The following AGAP1 variants were observed in gnomAD, a reference collection of about 807,000 sequenced individuals.
AGAP1 encodes the protein ArfGAP with GTPase domain, ankyrin repeat and PH domain 1, also known as arf-GAP with GTPase, ANK repeat and PH domain-containing protein 1.
A neutral mutation model predicts 105.3 loss-of-function variants in AGAP1; 29 were observed. That is an observed-to-expected ratio of 0.28 (90% confidence interval 0.21 to 0.38). The LOEUF (loss-of-function observed/expected upper bound fraction) is 0.38. Among genes scored for constraint, AGAP1 ranks in the 10% least tolerant of loss-of-function variants. The pLI, the probability that AGAP1 is intolerant of heterozygous loss-of-function variation, is 1.00. For missense variants in AGAP1, 998 were observed against 1,165.1 expected, an observed-to-expected ratio of 0.86 and a Z score of 2.09; for synonymous variants, 509 against 485.9, an observed-to-expected ratio of 1.05 and a Z score of -0.63.
intron 6 of AGAP1, among the ~76,000 whole-genome samples, chr2:235,767,753 G>A (rs1298806834): frequency 1.4e-5 from 2 of 146,576 alleles, no homozygotes. Context: ...ATTTATCTTG[G>A]TATAGAATCT....
intron 1 of AGAP1, among the ~76,000 whole-genome samples, chr2:235,525,280 T>A (rs1942785149): frequency 6.6e-6 from 1 of 151,920 alleles, no homozygotes; most frequent in Admixed American, 6.6e-5. Flanking sequence ...GACTGATACA[T>A]AATGTGGAGG....
chr2:235,657,784 T>C (rs1947821523), intron 1 of AGAP1, among the ~76,000 whole-genome samples: 1 of 152,162 alleles, frequency 6.6e-6, no homozygotes, highest in Admixed American at 6.5e-5. Context: ...TGCCTCATAA[T>C]GCGATTCTAT....
At chr2:235,518,632 G>A (rs1942492856) in intron 1 of AGAP1, among the ~76,000 whole-genome samples, 1 of 152,246 alleles carries the variant, frequency 6.6e-6, no homozygotes, top group South Asian at 2.1e-4. Flanking sequence ...TTCTGCCATA[G>A]GACAAAGAGA....
intron 1 of AGAP1, among the ~76,000 whole-genome samples, chr2:235,500,801 T>C (rs1941529835): frequency 6.6e-6 from 1 of 152,168 alleles, no homozygotes; most frequent in South Asian, 2.1e-4. Context: ...TTCAAGAGAC[T>C]GGAGAGGAGA....
intron 6 of AGAP1, among the ~76,000 whole-genome samples, chr2:235,791,358 A>G (rs1956963461): frequency 6.6e-6 from 1 of 152,086 alleles, no homozygotes; most frequent in East Asian, 1.9e-4. Context: ...TTCATTATTT[A>G]TGGGAGGGTC....
chr2:235,922,296 A>G (rs1370989716), intron 11 of AGAP1, among the ~76,000 whole-genome samples: 1 of 152,204 alleles, frequency 6.6e-6, no homozygotes, highest in Non-Finnish European at 1.5e-5. Flanking sequence ...AATAGAAGGT[A>G]TACAATTCTG....
chr2:235,603,355 T>A (rs1040922202), intron 1 of AGAP1, among the ~76,000 whole-genome samples: 2 of 152,214 alleles, frequency 1.3e-5, no homozygotes, highest in Non-Finnish European at 2.9e-5. Context: ...GGTATGCCTT[T>A]ATCAGCAGCA....
chr2:235,739,345 T>C lies in AGAP1; in HGVS notation c.311-1618T>C, dbSNP rs974095909. ...ACAACAGCTCTGCTAGAAAAGCATT[T>C]CTTTTTTGCCTACGAGGACTCTCGA... On this transcript the variant is annotated intron_variant, in intron 3 of 17. Coordinates refer to ENST00000304032, the MANE Select transcript of AGAP1 (RefSeq NM_001037131.3). The surrounding 1 kb of genome is among the most constrained non-coding windows in gnomAD (Gnocchi z 5.3). Among the ~76,000 whole-genome samples the C allele has an allele frequency of 2.6e-5, 4 of 152,220 alleles. No individual in the cohort carries two copies. Among genetic ancestry groups the C allele is most frequent in the Admixed American group, 6.5e-5 (1 of 15,282 alleles).
intron 1 of AGAP1, among the ~76,000 whole-genome samples, chr2:235,571,998 A>C (rs1559257378): frequency 8.2e-6 from 1 of 121,494 alleles, no homozygotes; most frequent in East Asian, 2.4e-4. Flanking sequence ...ACACACACAC[A>C]CACACTTTTT....
intron 1 of AGAP1, among the ~76,000 whole-genome samples, chr2:235,703,894 C>A (rs1950390269): frequency 6.6e-6 from 1 of 152,200 alleles, no homozygotes; most frequent in Admixed American, 6.5e-5. Flanking sequence ...GCAGGCTAGT[C>A]TTGAACTCCT....
chr2:236,049,536 C>T, intron 16 of AGAP1: 1 of 402,306 alleles, frequency 2.5e-6, no homozygotes. Context: ...ATGTATTAAG[C>T]TTCTAACCTT....
intron 1 of AGAP1, among the ~76,000 whole-genome samples, chr2:235,548,840 G>A (rs903370551): frequency 2.0e-5 from 3 of 152,202 alleles, no homozygotes; most frequent in Admixed American, 6.5e-5. Flanking sequence ...GCTCTGGGAC[G>A]TGGGTTAGCC....
chr2:235,860,845 T>A (rs2048899463), intron 9 of AGAP1, among the ~76,000 whole-genome samples: 1 of 152,214 alleles, frequency 6.6e-6, no homozygotes, highest in South Asian at 2.1e-4. Context: ...TTACCAAGAC[T>A]GCATTATTTG....
At chr2:235,715,183 A>G (rs1045581699) in intron 2 of AGAP1, among the ~76,000 whole-genome samples, 5 of 151,714 alleles carry the variant, frequency 3.3e-5, no homozygotes, top group Admixed American at 6.6e-5. Context: ...TCTCCCCTTT[A>G]TTTCCATCTC....
chr2:235,653,043 G>A (rs183741667), intron 1 of AGAP1, among the ~76,000 whole-genome samples: 94 of 152,266 alleles, frequency 6.2e-4, no homozygotes, highest in African/African-American at 2.0e-3. Flanking sequence ...GCACTGCACC[G>A]GGAAGGATAA....
rs762849565 is a variant in AGAP1 at position 235,789,149 on chromosome 2, T to C, written c.674-8610T>C. On this transcript the variant is annotated intron_variant, in intron 6 of 17. Transcript: ENST00000304032. The surrounding 1 kb of genome is among the most constrained non-coding windows in gnomAD (Gnocchi z 4.2). ...ACTTTATACCAGAATTGGATACACA[T>C]ATTAAAAATGTCAAATACACCATAT... 3.3e-5 allele frequency among the ~76,000 whole-genome samples: 5 copies of C among 152,252 alleles called. No individual in the cohort carries two copies. Among genetic ancestry groups the C allele is most frequent in the Non-Finnish European group, 7.3e-5 (5 of 68,052 alleles).
At chr2:235,749,690 C>T (rs984228053) in intron 5 of AGAP1, among the ~76,000 whole-genome samples, 1 of 152,192 alleles carries the variant, frequency 6.6e-6, no homozygotes, top group African/African-American at 2.4e-5. Flanking sequence ...GTTCCCTGAC[C>T]TCTTGCTCTA....
At chr2:235,698,393 C>T (rs2149467442) in intron 1 of AGAP1, among the ~76,000 whole-genome samples, 1 of 152,220 alleles carries the variant, frequency 6.6e-6, no homozygotes, top group Admixed American at 6.5e-5. Flanking sequence ...CATCTCCACC[C>T]AAACTGCAGT....
At chr2:235,800,833 G>C (rs889746731) in intron 8 of AGAP1, among the ~76,000 whole-genome samples, 2 of 152,122 alleles carry the variant, frequency 1.3e-5, no homozygotes, top group Admixed American at 1.3e-4. Flanking sequence ...CTCACAGCAG[G>C]GAATTATCCA....
Sources: allele counts gnomAD v4.1 joint callset (sites outside exome capture counted in the v4.1 genomes callset), GRCh38; gene constraint gnomAD v4.1.1; non-coding constraint Gnocchi (gnomAD v3.1); transcripts MANE v1.5; gene names NCBI Gene and HGNC (gene_info 2026-07-23, HGNC 2026-07-21).